SI: variants seen among roughly 807,000 people sequenced by gnomAD.
SI encodes the protein sucrase-isomaltase.
SI carries 235 observed loss-of-function variants against 253.3 expected under a neutral mutation model. The observed-to-expected ratio is 0.93, with a 90% CI of 0.83 to 1.03. SI has a LOEUF of 1.03. Ranked by LOEUF, SI falls within the 50% of genes least tolerant of loss-of-function variation. The probability of loss-of-function intolerance (pLI) is 0.00; values close to 1 mark genes in which losing one functional copy is unlikely to be tolerated. For synonymous variants in SI, 819 were observed against 712.0 expected (o/e 1.15, Z -2.39); for missense variants, 2,442 against 2,211.1 (o/e 1.10, Z -2.09).
Position 165,015,188 on chromosome 3 carries a change from C to G in SI, c.3934G>C (p.Glu1312Gln). 2 of 1,613,496 alleles carry G rather than the reference C, an allele frequency of 1.2e-6. No homozygotes were observed. The highest frequency in any genetic ancestry group is 1.7e-6 in the Non-Finnish European group (2 of 1,179,656). The change falls in exon 33 of 48, where the codon GAA becomes CAA. Residue 1312 changes from glutamate to glutamine, a missense_variant. Coordinates refer to ENST00000264382, the MANE Select transcript of SI (RefSeq NM_001041.4). ...GNETKTYPAF[E>Q]RGQQNDVFVK... is the part of the protein sequence containing the mutation. ...AAGACATCATTCTGCTGTCCTCTTT[C>G]AAATGCAGGGTAAGTCTTTGTTTCA... is the stretch of plus-strand genomic sequence containing the variant.
Position 165,033,386 on chromosome 3 carries a change from A to T in SI, c.2565+9T>A. On this transcript the variant is annotated intron_variant, in intron 23 of 47. Coordinates refer to ENST00000264382, the MANE Select transcript of SI (RefSeq NM_001041.4). ...TGCATTTAAGTATATGTACAAAGAG[A>T]GTGCTTACATTAGAAACTGAAAATG... 6.4e-7 allele frequency: 1 copy of T among 1,556,686 alleles called. No homozygotes were observed. The highest frequency in any genetic ancestry group is 8.7e-7 in the Non-Finnish European group (1 of 1,147,848).
At chr3:164,981,716 A>G (rs1432648368) in intron 47 of SI, among the ~76,000 whole-genome samples, 1 of 152,064 alleles carries the variant, frequency 6.6e-6, no homozygotes, top group Non-Finnish European at 1.5e-5. Context: ...ATTTTTTTCT[A>G]TTCAATTGGA....
intron 47 of SI, among the ~76,000 whole-genome samples, chr3:164,980,737 T>C (rs1438503964): frequency 6.6e-6 from 1 of 152,052 alleles, no homozygotes; most frequent in African/African-American, 2.4e-5. Context: ...TTTAATGGTT[T>C]GTTTTTATGC....
chr3:165,046,677 G>T (rs984292405), intron 16 of SI, among the ~76,000 whole-genome samples, 164 bp downstream of exon 16: 1 of 151,748 alleles, frequency 6.6e-6, no homozygotes, highest in Non-Finnish European at 1.5e-5. Flanking sequence ...GGAAATTATA[G>T]ATACCATCTG....
intron 24 of SI, among the ~76,000 whole-genome samples, chr3:165,031,771 C>T (rs1351809035): frequency 3.3e-5 from 5 of 150,682 alleles, no homozygotes; most frequent in Non-Finnish European, 7.4e-5. Context: ...TAATTGCTTT[C>T]GTGTTTTTAA....
At chr3:164,991,522 A>G in intron 43 of SI, 45 bp from the exon 44 acceptor site, 2 of 1,604,534 alleles carry the variant, frequency 1.2e-6, no homozygotes, top group Non-Finnish European at 1.7e-6. Flanking sequence ...CAAGAAATGG[A>G]ATCATCAGCA....
chr3:165,044,932 G>C (rs1713031410), intron 16 of SI, among the ~76,000 whole-genome samples: 1 of 152,002 alleles, frequency 6.6e-6, no homozygotes, highest in Non-Finnish European at 1.5e-5. Context: ...TGTGCATGGT[G>C]TGAGAAATTG....
At chr3:165,069,222 T>C (rs772066340) in intron 3 of SI, 27 bp from the exon 4 acceptor site, 2 of 1,348,692 alleles carry the variant, frequency 1.5e-6, no homozygotes, top group East Asian at 2.3e-5. Flanking sequence ...AAAGGAATTA[T>C]ATAATTACTA....
Position 165,049,239 on chromosome 3 carries a change from G to C in SI, c.1603C>G (p.Leu535Val), listed in dbSNP as rs945773338. Residue 535 changes from leucine to valine, a missense_variant, in exon 15 of 48, where the codon CTT becomes GTT. Physicochemically the swap from Leu to Val is conservative, Grantham distance 32. Coordinates refer to ENST00000264382, the MANE Select transcript of SI (RefSeq NM_001041.4). ...LNYPPFTPDILDKLMYSKTIC... is the reference protein window; with the variant it reads ...LNYPPFTPDIVDKLMYSKTIC... ...GTTTTGGAATACATGAGTTTGTCAA[G>C]AATATCTTTGAGAAAATACATAAGA... is the stretch of plus-strand genomic sequence containing the variant. The C allele has an allele frequency of 6.5e-7, 1 of 1,540,638 alleles. No homozygotes were observed. Among genetic ancestry groups the C allele is most frequent in the East Asian group, 2.3e-5 (1 of 44,240 alleles).
At chr3:165,065,777 G>A (rs939603411) in intron 6 of SI, among the ~76,000 whole-genome samples, 1 of 151,416 alleles carries the variant, frequency 6.6e-6, no homozygotes, top group African/African-American at 2.4e-5. Context: ...GTAGGCAGGA[G>A]AGCCAAGTTT....
intron 25 of SI, among the ~76,000 whole-genome samples, chr3:165,026,899 C>T (rs144137144): frequency 2.0e-5 from 3 of 151,200 alleles, no homozygotes; most frequent in African/African-American, 7.2e-5. Flanking sequence ...AATCTAAGGT[C>T]ACACTTCAAG....
chr3:164,992,716 A>G (rs113081809), intron 41 of SI, among the ~76,000 whole-genome samples: 109 of 152,016 alleles, frequency 7.2e-4, no homozygotes, highest in African/African-American at 2.5e-3. Context: ...TTTGCCTAGT[A>G]TATGATCAAC....
intron 3 of SI, among the ~76,000 whole-genome samples, chr3:165,070,978 C>A (rs1439957254): frequency 6.6e-6 from 1 of 152,004 alleles, no homozygotes; most frequent in East Asian, 1.9e-4. Flanking sequence ...TTATAGGCGC[C>A]TTTTTCCAAT....
At position 164,996,529 on chromosome 3, in the gene SI, A is replaced by T. The variant is rs969368790; in HGVS notation, c.4692+6T>A. 1 of 1,364,752 alleles carries T rather than the reference A, an allele frequency of 7.3e-7. No individual in the cohort carries two copies. The highest frequency in any genetic ancestry group is 2.3e-5 in the East Asian group (1 of 43,518). The allele number at this position is 1,364,752 out of a possible 1,614,324, so 84.5% of individuals were successfully genotyped here. ...AATACTGAAAGTAAATGTAGTAATT[A>T]CATACTCTAGTATTTGCAATGTTGT... On this transcript the variant is annotated splice_donor_region_variant and intron_variant, in intron 40 of 47. Transcript: ENST00000264382.
At chr3:165,042,972 C>T (rs1712920154) in intron 17 of SI, 87 bp downstream of exon 17, 1 of 831,004 alleles carries the variant, frequency 1.2e-6, no homozygotes, top group Non-Finnish European at 2.1e-6. Context: ...TCTTTCAGAC[C>T]ATATACTCTA....
At chr3:165,088,125 C>T in the SI span, among the ~76,000 whole-genome samples, 4 of 152,198 alleles carry the variant, frequency 2.6e-5, no homozygotes, top group South Asian at 2.1e-4. Context: ...GAAGGTGGAT[C>T]ACCTGAGGTC....
intron 6 of SI, 151 bp from the exon 7 acceptor site, chr3:165,065,583 A>G (rs1164166629): frequency 5.2e-6 from 1 of 193,194 alleles, no homozygotes. Context: ...CACTTCTTAG[A>G]AACACACAAA....
At chr3:164,983,173 T>C in intron 45 of SI, 122 bp from the exon 46 acceptor site, 1 of 953,450 alleles carries the variant, frequency 1.0e-6, no homozygotes, top group Non-Finnish European at 1.5e-6. Context: ...AAGATGTACC[T>C]ATTTTTTCTC....
Position 165,065,277 on chromosome 3 carries a change from T to C in SI, c.791A>G (p.Asp264Gly), listed in dbSNP as rs1332076026. The change falls in exon 7 of 48, where the codon GAC (aspartate) becomes GGC (glycine). Residue 264 changes from aspartate to glycine, a missense_variant. Transcript: ENST00000264382. ...ATTTCTTACATCACCAGGAAGTTGGTCTCGAGTAAAAATTGGCCATGTTTT... is the reference window on the plus strand; with the variant it reads ...ATTTCTTACATCACCAGGAAGTTGGCCTCGAGTAAAAATTGGCCATGTTTT... ...SWKTWPIFTR[D>G]QLPGDNNNNL... 1.2e-6 allele frequency: 2 copies of C among 1,603,114 alleles called. No individual in the cohort carries two copies. The highest frequency in any genetic ancestry group is 2.7e-5 in the African/African-American group (2 of 74,410).
Sources: allele counts gnomAD v4.1 joint callset (sites outside exome capture counted in the v4.1 genomes callset), GRCh38; gene constraint gnomAD v4.1.1; transcripts MANE v1.5; gene names NCBI Gene and HGNC (gene_info 2026-07-23, HGNC 2026-07-21).